CSMD3: variants seen among roughly 807,000 people sequenced by gnomAD.
CSMD3 encodes CUB and sushi domain-containing protein 3.
A neutral mutation model predicts 435.2 loss-of-function variants in CSMD3; 177 were observed. The ratio of observed to expected loss-of-function variants is 0.41; its 90% CI spans 0.36 to 0.46. The LOEUF is 0.46. Ranked by LOEUF, CSMD3 falls within the 20% of genes least tolerant of loss-of-function variation. CSMD3 has a pLI of 0.34. For missense variants in CSMD3, 4,265 were observed against 4,504.6 expected (o/e 0.95, Z 1.52); for synonymous variants, 1,656 against 1,520.5 (o/e 1.09, Z -2.07).
chr8:113,380,172 A>T (rs1020900994), intron 1 of CSMD3, among the ~76,000 whole-genome samples: 1 of 152,094 alleles, frequency 6.6e-6, no homozygotes, highest in African/African-American at 2.4e-5. Flanking sequence ...GAGTAAATAA[A>T]CTGTTTAACA....
chr8:113,196,779 G>GA (rs984253990), intron 3 of CSMD3, among the ~76,000 whole-genome samples: 6 of 151,158 alleles, frequency 4.0e-5, no homozygotes, highest in African/African-American at 1.5e-4. Context: ...TCCCATTGCA[G>GA]AAAGACTGAA....
chr8:112,722,542 T>C (rs2076880994), intron 13 of CSMD3, among the ~76,000 whole-genome samples: 1 of 152,184 alleles, frequency 6.6e-6, no homozygotes, highest in Non-Finnish European at 1.5e-5. Flanking sequence ...GATGTGTTTC[T>C]GTGTGCATGC....
rs2129855801 is a variant in CSMD3, at chr8:112,859,135, G to A, written c.1755+10C>T. ...ACTTTTTTTTTAAATCACAGATGGTGTTCTCTTACCTTATTTGTATTCACT... is the reference window on the plus strand; with the variant it reads ...ACTTTTTTTTTAAATCACAGATGGTATTCTCTTACCTTATTTGTATTCACT... On this transcript the variant is annotated intron_variant, in intron 11 of 70. Coordinates refer to ENST00000297405, the MANE Select transcript of CSMD3 (RefSeq NM_198123.2). 1.9e-6 allele frequency: 3 copies of A among 1,607,004 alleles called. No homozygotes were observed. Among genetic ancestry groups the A allele is most frequent in the Non-Finnish European group, 2.6e-6 (3 of 1,174,478 alleles).
intron 4 of CSMD3, among the ~76,000 whole-genome samples, chr8:113,104,067 T>A (rs2090406961): frequency 6.6e-6 from 1 of 152,082 alleles, no homozygotes; most frequent in Non-Finnish European, 1.5e-5. Context: ...CCAAATGGTT[T>A]TCTGTAACAC....
chr8:113,112,017 TC>T (rs139783234), intron 4 of CSMD3, among the ~76,000 whole-genome samples: 14,554 of 152,002 alleles, frequency 0.096, 1,040 homozygotes, highest in African/African-American at 0.19. Context: ...CTTCCCTTCT[TC>T]TTCTTCTTAC....
In CSMD3 at chr8:112,319,943, G is replaced by A. The variant is rs768593720; in HGVS notation, c.7204C>T (p.Pro2402Ser). The A allele has an allele frequency of 1.2e-6, 2 of 1,612,862 alleles. No individual in the cohort carries two copies. Among genetic ancestry groups the A allele is most frequent in the East Asian group, 4.5e-5 (2 of 44,808 alleles). ...LRVCQPPPPVPNAEILTEDDE... is the reference protein window; with the variant it reads ...LRVCQPPPPVSNAEILTEDDE... Reference sequence around the variant, plus strand: ...TCTTCCGTCAAAATTTCAGCATTGGGCACAGGTGGTGGAGGTTGGCACACC... The same window carrying A: ...TCTTCCGTCAAAATTTCAGCATTGGACACAGGTGGTGGAGGTTGGCACACC... The change falls in exon 46 of 71, where the codon CCC (proline) becomes TCC (serine). Residue 2402 changes from proline (P) to serine (S), a missense_variant. By Grantham distance (74) the Pro-to-Ser change is moderately conservative. This residue lies in a region of CSMD3 where 3,255 missense variants were observed against 3,380.2 expected (regional missense o/e 0.96). Transcript: ENST00000297405.
intron 3 of CSMD3, among the ~76,000 whole-genome samples, chr8:113,204,654 T>A (rs1377499558): frequency 1.3e-5 from 2 of 152,136 alleles, no homozygotes; most frequent in African/African-American, 4.8e-5. Context: ...CCATTCATGG[T>A]AAGTGCCCTC....
chr8:112,816,469 A>G (rs1468930861), intron 12 of CSMD3, among the ~76,000 whole-genome samples: 1 of 152,172 alleles, frequency 6.6e-6, no homozygotes, highest in Non-Finnish European at 1.5e-5. Context: ...TCTCTAAAAA[A>G]TATCACCTTT....
chr8:112,312,041 A>T (rs1822026038), intron 49 of CSMD3, among the ~76,000 whole-genome samples: 1 of 152,172 alleles, frequency 6.6e-6, no homozygotes, highest in African/African-American at 2.4e-5. Context: ...AAGAACAAGG[A>T]TTGGTCTATA....
At chr8:112,541,950 A>T (rs13273176) in intron 27 of CSMD3, among the ~76,000 whole-genome samples, 1 of 152,054 alleles carries the variant, frequency 6.6e-6, no homozygotes, top group African/African-American at 2.4e-5. Context: ...ACAATGTCCA[A>T]GTCGGATTTA....
intron 6 of CSMD3, among the ~76,000 whole-genome samples, chr8:112,992,714 C>T (rs1283570923): frequency 6.6e-6 from 1 of 151,718 alleles, no homozygotes; most frequent in African/African-American, 2.4e-5. Context: ...TATTCTAAGT[C>T]AGCAATGGAG....
chr8:112,744,613 G>T (rs1181359805), intron 13 of CSMD3, among the ~76,000 whole-genome samples: 1 of 151,774 alleles, frequency 6.6e-6, no homozygotes, highest in East Asian at 1.9e-4. Context: ...TTAATATAGA[G>T]ATTTTTTTTT....
intron 1 of CSMD3, among the ~76,000 whole-genome samples, chr8:113,347,263 C>A (rs575058277): frequency 1.5e-4 from 23 of 152,186 alleles, no homozygotes; most frequent in Non-Finnish European, 2.6e-4. Flanking sequence ...ACTGCAGAAA[C>A]AATATTTTCC....
chr8:113,230,242 C>T lies in CSMD3; in HGVS notation c.514+48350G>A, dbSNP rs73335527. 3.5e-3 allele frequency among the ~76,000 whole-genome samples: 536 copies of T among 151,718 alleles called. 2 individuals carry two copies. The highest frequency in any genetic ancestry group is 0.012 in the African/African-American group (499 of 41,472). ...CCTTATGCAGGTGCTGGATAGACAACATAACATCTGTTGATTTAATTAGAA... is the reference window on the plus strand; with the variant it reads ...CCTTATGCAGGTGCTGGATAGACAATATAACATCTGTTGATTTAATTAGAA... On this transcript the variant is annotated intron_variant, in intron 3 of 70. Coordinates refer to ENST00000297405, the MANE Select transcript of CSMD3 (RefSeq NM_198123.2).
Position 113,278,640 on chromosome 8 carries a change from T to A in CSMD3, c.466A>T (p.Thr156Ser), listed in dbSNP as rs2132458987. Residue 156 changes from threonine (T) to serine (S), a missense_variant, in exon 3 of 71, where the codon ACC becomes TCC. Around this residue, in one of 3 missense-constraint regions of CSMD3, gnomAD observed 731 missense variants for 755.4 expected, o/e 0.97. Transcript: ENST00000297405. ...STKSVFSLRLTSDFAVSAHGF... is the reference protein window; with the variant it reads ...STKSVFSLRLSSDFAVSAHGF... ...TGAGCACTAACTGCAAAATCACTGG[T>A]CAAACGTAGTGAGAACACAGATTTG... is the stretch of plus-strand genomic sequence containing the variant. The A allele has an allele frequency of 1.2e-6, 2 of 1,604,434 alleles. No individual in the cohort carries two copies. Among genetic ancestry groups the A allele is most frequent in the East Asian group, 4.5e-5 (2 of 44,764 alleles).
chr8:113,421,337 C>G (rs2094607859), intron 1 of CSMD3, among the ~76,000 whole-genome samples: 1 of 152,086 alleles, frequency 6.6e-6, no homozygotes, highest in South Asian at 2.1e-4. Context: ...AATGAAGAAG[C>G]AGACAAATTA....
rs938579815 is a variant in CSMD3, at chr8:112,650,435, C to G, written c.3005-86G>C. The stretch of plus-strand genomic sequence containing the variant: ...TAATTCCTAGTTCTTCAAACAATTA[C>G]AAGCAATGATTTTTACAAATAAAGG... On this transcript the variant is annotated intron_variant, in intron 18 of 70. Coordinates refer to ENST00000297405, the MANE Select transcript of CSMD3 (RefSeq NM_198123.2). 5.7e-6 allele frequency: 6 copies of G among 1,054,842 alleles called. No individual in the cohort carries two copies. The African/African-American group carries it at 9.4e-5, about 17-fold the overall frequency. 65.3% of individuals were successfully genotyped at this position (1,054,842 alleles called of 1,614,324 possible).
chr8:112,344,476 C>T (rs1409416932), intron 41 of CSMD3, among the ~76,000 whole-genome samples: 3 of 152,080 alleles, frequency 2.0e-5, no homozygotes, highest in African/African-American at 7.2e-5. Context: ...TTATGTAAAA[C>T]ATTTAAATAT....
intron 13 of CSMD3, among the ~76,000 whole-genome samples, chr8:112,772,583 C>T (rs991460867): frequency 1.3e-5 from 2 of 151,064 alleles, no homozygotes; most frequent in Non-Finnish European, 2.9e-5. Flanking sequence ...TTCCCCCAGC[C>T]CTACACCTGT....
Sources: allele counts gnomAD v4.1 joint callset (sites outside exome capture counted in the v4.1 genomes callset), GRCh38; gene constraint gnomAD v4.1.1; regional missense constraint gnomAD v4.1.1; transcripts MANE v1.5; gene names NCBI Gene and HGNC (gene_info 2026-07-23, HGNC 2026-07-21).